Variants in SCUBE2 observed in about 807,000 individuals in gnomAD.
The protein encoded by SCUBE2 is signal peptide, CUB and EGF-like domain-containing protein 2.
SCUBE2 carries 114 observed loss-of-function variants against 125.9 expected under a neutral mutation model. The observed-to-expected ratio is 0.91, with a 90% CI of 0.78 to 1.06. SCUBE2 has a LOEUF of 1.06. SCUBE2 is among the 50% of genes least tolerant of loss of function. The pLI is 0.00. For synonymous variants in SCUBE2, 459 were observed against 492.9 expected (o/e 0.93, Z 0.91); for missense variants, 1,255 against 1,301.8 (o/e 0.96, Z 0.55).
intron 16 of SCUBE2, among the ~76,000 whole-genome samples, chr11:9,043,324 T>G (rs1857411476): frequency 1.3e-5 from 2 of 152,186 alleles, no homozygotes; most frequent in Non-Finnish European, 2.9e-5. Context: ...GTGTATTTCT[T>G]AAATAATTTA....
chr11:9,048,138 C>G, intron 14 of SCUBE2, 40 bp from the exon 15 acceptor site: 10 of 1,585,168 alleles, frequency 6.3e-6, no homozygotes, highest in Non-Finnish European at 8.6e-6. Flanking sequence ...CAAATCCTGG[C>G]AAAGCACTCA....
chr11:9,020,375 A>C lies in SCUBE2; in HGVS notation c.*670T>G, dbSNP rs1026766598. 6.6e-6 allele frequency: 1 copy of C among 152,250 alleles called. No individual in the cohort carries two copies. Among genetic ancestry groups the C allele is most frequent in the Non-Finnish European group, 1.5e-5 (1 of 68,058 alleles). The allele number at this position is 152,250 out of a possible 1,614,324, so 9.4% of individuals were successfully genotyped here. On this transcript the variant is annotated 3_prime_UTR_variant, in exon 23 of 23. Transcript: ENST00000649792. ...CTTGCAACGAGGAAGGCTGGCAATA[A>C]ATGTACATTATTATGTCTCCAGAAG... is the stretch of plus-strand genomic sequence containing the variant.
intron 16 of SCUBE2, among the ~76,000 whole-genome samples, chr11:9,041,721 G>A (rs1857262470): frequency 1.3e-5 from 2 of 151,820 alleles, no homozygotes; most frequent in Admixed American, 1.3e-4. Context: ...TATGACTACG[G>A]CTCCTTCAAA....
chr11:9,039,096 G>A (rs1171596456), intron 16 of SCUBE2, among the ~76,000 whole-genome samples: 1 of 152,010 alleles, frequency 6.6e-6, no homozygotes, highest in African/African-American at 2.4e-5. Context: ...GGCTCAAGTG[G>A]TCCTCTGTCT....
intron 4 of SCUBE2, among the ~76,000 whole-genome samples, chr11:9,073,698 GAACAC>G (rs1163565863): frequency 1.3e-5 from 2 of 152,276 alleles, no homozygotes; most frequent in African/African-American, 4.8e-5. Context: ...ACTCCAAGAG[GAACAC>G]AGCCACCAAA....
chr11:9,030,116 T>C, intron 18 of SCUBE2, 71 bp from the exon 19 acceptor site: 1 of 1,524,318 alleles, frequency 6.6e-7, no homozygotes, highest in Admixed American at 2.0e-5. Context: ...AGCACAAAGA[T>C]TTTAAAGTTT....
At chr11:9,046,606 T>C (rs1047483816) in intron 16 of SCUBE2, among the ~76,000 whole-genome samples, 5 of 152,140 alleles carry the variant, frequency 3.3e-5, no homozygotes, top group East Asian at 1.9e-4. Flanking sequence ...TCCTGGAAAG[T>C]AGGGCAGCCA....
At chr11:9,070,256 T>C (rs1860655310) in intron 4 of SCUBE2, among the ~76,000 whole-genome samples, 2 of 152,148 alleles carry the variant, frequency 1.3e-5, no homozygotes, top group South Asian at 4.1e-4. Context: ...AGGCTTAACC[T>C]TGTAGTATGA....
chr11:9,026,568 C>T (rs564178299), intron 20 of SCUBE2: 2 of 151,752 alleles, frequency 1.3e-5, no homozygotes, highest in African/African-American at 2.4e-5. Context: ...CTCAGCCTCC[C>T]GAGTAGCCGG....
chr11:9,053,800 T>C (rs568348040), intron 10 of SCUBE2, 41 bp from the exon 11 acceptor site: 116 of 1,597,958 alleles, frequency 7.3e-5, no homozygotes, highest in Non-Finnish European at 9.3e-5. Context: ...AGCCTGTCAC[T>C]GAATGGGCTG....
rs377393786 is a variant in SCUBE2 at position 9,089,727 on chromosome 11, C to T, written c.236G>A (p.Gly79Glu). ...CTTACCCTCACACTGCCTGCCTTCC[C>T]CTTGGTAGCCAGGCTTGCAGGAGCA... Reference protein sequence around the residue: ...YKCSCKPGYQGEGRQCEDIDE... With the variant: ...YKCSCKPGYQEEGRQCEDIDE... The change falls in exon 2 of 23, where the codon GGG becomes GAG. Residue 79 changes from glycine (G) to glutamate (E), a missense_variant. Physicochemically the swap from Gly to Glu is moderately conservative, Grantham distance 98. Coordinates refer to ENST00000649792, the MANE Select transcript of SCUBE2 (RefSeq NM_001367977.2). The T allele has an allele frequency of 9.9e-6, 16 of 1,613,800 alleles. No individual in the cohort carries two copies. The highest frequency in any genetic ancestry group is 1.3e-5 in the Non-Finnish European group (15 of 1,179,824).
chr11:9,061,436 G>T (rs1859675272), intron 7 of SCUBE2, among the ~76,000 whole-genome samples: 1 of 152,108 alleles, frequency 6.6e-6, no homozygotes, highest in Non-Finnish European at 1.5e-5. Context: ...ACGCACACCT[G>T]TGGTCCCAGC....
chr11:9,045,610 G>GACAGACACACAC (rs1491397117), intron 16 of SCUBE2, among the ~76,000 whole-genome samples: 3 of 99,150 alleles, frequency 3.0e-5, no homozygotes, highest in African/African-American at 1.1e-4. Flanking sequence ...CAGACAGACA[G>GACAGACACACAC]ACACACACAC....
Position 9,030,013 on chromosome 11 carries a change from T to A in SCUBE2, c.2374A>T (p.Thr792Ser), listed in dbSNP as rs1301976125. 6.2e-7 allele frequency: 1 copy of A among 1,613,976 alleles called. No homozygotes were observed. The highest frequency in any genetic ancestry group is 2.2e-5 in the East Asian group (1 of 44,896). Residue 792 changes from threonine to serine, a missense_variant, in exon 19 of 23, where the codon ACC becomes TCC. Physicochemically the swap from Thr to Ser is moderately conservative, Grantham distance 58. Coordinates refer to ENST00000649792, the MANE Select transcript of SCUBE2 (RefSeq NM_001367977.2). Reference sequence around the variant, plus strand: ...GGGCAACGAATACATCGGTGAGTGGTGGTGTTGTAGAAATGTCCAGGTGAA... The same window carrying A: ...GGGCAACGAATACATCGGTGAGTGGAGGTGTTGTAGAAATGTCCAGGTGAA... ...QCSPGHFYNT[T>S]THRCIRCPVG... is the part of the protein sequence containing the mutation.
chr11:9,066,777 G>T lies in SCUBE2; in HGVS notation c.680C>A (p.Ser227Tyr). 1 of 1,614,118 alleles carries T rather than the reference G, an allele frequency of 6.2e-7. No individual in the cohort carries two copies. The highest frequency in any genetic ancestry group is 1.6e-4 in the Middle Eastern group (1 of 6,062). Residue 227 changes from serine (S) to tyrosine (Y), a missense_variant, in exon 6 of 23, where the codon TCC (serine) becomes TAC (tyrosine). Around this residue, in one of 3 missense-constraint regions of SCUBE2, gnomAD observed 362 missense variants for 323.0 expected, o/e 1.12. Coordinates refer to ENST00000649792, the MANE Select transcript of SCUBE2 (RefSeq NM_001367977.2). ...CNHGNGGCQH[S>Y]CDDTADGPEC... is the part of the protein sequence containing the mutation. The stretch of plus-strand genomic sequence containing the variant: ...TGGGCCATCGGCTGTATCGTCACAG[G>T]AGTGCTGGCACCCACCGTTCCCATG...
At chr11:9,084,732 G>C (rs1861918939) in intron 2 of SCUBE2, among the ~76,000 whole-genome samples, 1 of 152,060 alleles carries the variant, frequency 6.6e-6, no homozygotes, top group Non-Finnish European at 1.5e-5. Context: ...AAAAAACAAA[G>C]ACATTCTCTT....
intron 5 of SCUBE2, among the ~76,000 whole-genome samples, chr11:9,068,155 T>G (rs1564837936): frequency 6.6e-6 from 1 of 152,118 alleles, no homozygotes; most frequent in Non-Finnish European, 1.5e-5. Context: ...CCCTCACCAG[T>G]GAAACTGTCC....
intron 16 of SCUBE2, among the ~76,000 whole-genome samples, chr11:9,046,111 A>G (rs971003825): frequency 7.0e-6 from 1 of 143,426 alleles, no homozygotes; most frequent in African/African-American, 2.6e-5. Flanking sequence ...GGTTCAAGGG[A>G]TTCTCCTGCC....
chr11:9,079,556 T>A, intron 2 of SCUBE2, 47 bp from the exon 3 acceptor site: 1 of 1,598,906 alleles, frequency 6.3e-7, no homozygotes, highest in Non-Finnish European at 8.5e-7. Context: ...ATTTCTTTGA[T>A]GTGAAAACAT....
Sources: gnomAD v4.1 joint callset for allele counts (sites outside exome capture counted in the v4.1 genomes callset) on GRCh38, gnomAD v4.1.1 for gene constraint, gnomAD v4.1.1 regional missense constraint, MANE v1.5 for transcripts, NCBI Gene and HGNC (gene_info 2026-07-23, HGNC 2026-07-21) for gene names.